PELI2: variants seen among roughly 807,000 people sequenced by gnomAD.
The protein encoded by PELI2 is E3 ubiquitin-protein ligase pellino homolog 2.
In PELI2, 23 loss-of-function variants were observed where a neutral mutation model predicts 42.3. The observed-to-expected ratio is 0.54, with a 90% CI of 0.39 to 0.77. PELI2 has a LOEUF of 0.77. PELI2 is among the 30% of genes least tolerant of loss of function. PELI2 has a pLI of 0.00. For synonymous variants in PELI2, 245 were observed against 212.2 expected (o/e 1.15, Z -1.34); for missense variants, 463 against 553.2 (o/e 0.84, Z 1.64).
chr14:56,230,444 T>C (rs1887516363), intron 2 of PELI2, among the ~76,000 whole-genome samples: 1 of 152,222 alleles, frequency 6.6e-6, no homozygotes, highest in Non-Finnish European at 1.5e-5. Flanking sequence ...GGGGCCAGTA[T>C]TCAACATTCT....
chr14:56,195,505 G>A (rs910313083), intron 2 of PELI2, among the ~76,000 whole-genome samples: 3 of 152,216 alleles, frequency 2.0e-5, no homozygotes, highest in Non-Finnish European at 4.4e-5. Context: ...TCTGAAGCTA[G>A]TTGGGCCTTT....
At chr14:56,291,597 T>G (rs1262824274) in intron 5 of PELI2, among the ~76,000 whole-genome samples, 1 of 152,252 alleles carries the variant, frequency 6.6e-6, no homozygotes, top group Admixed American at 6.5e-5. Flanking sequence ...AAAGCAGTTT[T>G]TCTAAATAAT....
intron 2 of PELI2, among the ~76,000 whole-genome samples, chr14:56,240,472 T>C (rs1887933442): frequency 6.6e-6 from 1 of 152,142 alleles, no homozygotes; most frequent in Non-Finnish European, 1.5e-5. Context: ...TTAGCAAGAA[T>C]AGTTTCGGTG....
intron 2 of PELI2, among the ~76,000 whole-genome samples, chr14:56,236,164 G>A (rs1166200322): frequency 6.6e-6 from 1 of 151,988 alleles, no homozygotes; most frequent in African/African-American, 2.4e-5. Flanking sequence ...TTTCTAAATT[G>A]ACCACTTTTA....
intron 2 of PELI2, among the ~76,000 whole-genome samples, chr14:56,190,835 A>C (rs1885928207): frequency 2.0e-5 from 3 of 152,262 alleles, no homozygotes. Context: ...ATGTAAAGTC[A>C]AAAAATATGG....
At chr14:56,160,413 C>T (rs527422805) in intron 1 of PELI2, among the ~76,000 whole-genome samples, 63 of 152,180 alleles carry the variant, frequency 4.1e-4, no homozygotes, top group African/African-American at 1.4e-3. Context: ...TCTTTTACTT[C>T]GGGTGAGGGT....
At position 56,299,753 on chromosome 14, in the gene PELI2, C is replaced by T. The variant is rs1298561789; in HGVS notation, c.*2587C>T. The T allele has an allele frequency of 6.6e-6, 1 of 152,200 alleles. No individual in the cohort carries two copies. Among genetic ancestry groups the T allele is most frequent in the African/African-American group, 2.4e-5 (1 of 41,448 alleles). The allele number at this position is 152,200 out of a possible 1,614,324, so 9.4% of individuals were successfully genotyped here. A position where few individuals can be genotyped will look rare whatever the true frequency, so the allele number is the denominator to read the frequency against. Reference sequence around the variant, plus strand: ...CCATCACTTTAAAGGACTAGCCCCACTCCCCCATGTGTATACACAAGGAAA... The same window carrying T: ...CCATCACTTTAAAGGACTAGCCCCATTCCCCCATGTGTATACACAAGGAAA... On this transcript the variant is annotated 3_prime_UTR_variant, in exon 6 of 6. Coordinates refer to ENST00000267460, the MANE Select transcript of PELI2 (RefSeq NM_021255.3).
At chr14:56,209,551 G>A (rs940421143) in intron 2 of PELI2, among the ~76,000 whole-genome samples, 28 of 147,688 alleles carry the variant, frequency 1.9e-4, no homozygotes, top group Middle Eastern at 3.5e-3. Context: ...ATTTCGTTTC[G>A]TGGTAGTATG....
chr14:56,292,454 A>G (rs900189438), intron 5 of PELI2, among the ~76,000 whole-genome samples: 16 of 152,216 alleles, frequency 1.1e-4, no homozygotes, highest in Non-Finnish European at 2.2e-4. Flanking sequence ...TGTTGCTGGT[A>G]GCATTTGATA....
At chr14:56,228,285 TTCAGCATGATGCAGCCACTCA>T (rs1887433625) in intron 2 of PELI2, among the ~76,000 whole-genome samples, 1 of 152,222 alleles carries the variant, frequency 6.6e-6, no homozygotes, top group Non-Finnish European at 1.5e-5. Context: ...CTTTCCCTTT[TTCAGCATGATGCAGCCACTCA>T]TCAGTGCCAC....
chr14:56,274,815 G>A (rs144741666), intron 2 of PELI2, among the ~76,000 whole-genome samples: 179 of 152,256 alleles, frequency 1.2e-3, no homozygotes, highest in African/African-American at 4.2e-3. Flanking sequence ...TGGGCATCTG[G>A]GATTGCAAAG....
At chr14:56,156,031 C>T (rs1338730988) in intron 1 of PELI2, among the ~76,000 whole-genome samples, 1 of 152,106 alleles carries the variant, frequency 6.6e-6, no homozygotes, top group Non-Finnish European at 1.5e-5. Flanking sequence ...TAATAGTGGA[C>T]ATCCGTGTTT....
rs4038318 is a variant in PELI2 at position 56,197,969 on chromosome 14, GACACACACACACACACACAC to G, written c.207+19530_207+19549del. On this transcript the variant is annotated intron_variant, in intron 2 of 5. Coordinates refer to ENST00000267460, the MANE Select transcript of PELI2 (RefSeq NM_021255.3). The surrounding 1 kb of genome is among the most constrained non-coding windows in gnomAD (Gnocchi z 4.9). ...CACACCAGGGATCATGACTGGTGAA[GACACACACACACACACACAC>G]ACACACACACACACACACACACACC... 8.2e-4 allele frequency among the ~76,000 whole-genome samples: 106 copies of G among 129,768 alleles called. No individual in the cohort carries two copies. Among genetic ancestry groups the G allele is most frequent in the Middle Eastern group, 3.8e-3 (1 of 262 alleles). 85.1% of individuals were successfully genotyped at this position (129,768 alleles called of 152,430 possible).
At chr14:56,203,508 C>CT (rs927796818) in intron 2 of PELI2, among the ~76,000 whole-genome samples, 16 of 151,988 alleles carry the variant, frequency 1.1e-4, no homozygotes, top group African/African-American at 3.9e-4. Context: ...TATCTGTAGA[C>CT]TTTTTTTCTG....
chr14:56,250,995 C>G (rs937929428), intron 2 of PELI2, among the ~76,000 whole-genome samples: 1 of 151,854 alleles, frequency 6.6e-6, no homozygotes, highest in Non-Finnish European at 1.5e-5. Context: ...CAGCCTGACC[C>G]CCTGGGGAGC....
Position 56,301,277 on chromosome 14 carries a change from A to G in PELI2, c.*4111A>G, listed in dbSNP as rs914226170. On this transcript the variant is annotated 3_prime_UTR_variant, in exon 6 of 6. Transcript: ENST00000267460. ...GCCATTTTACAGGAAAAAATCTTCAAAAACTATTAAATGGATATCAGCCTG... is the reference window on the plus strand; with the variant it reads ...GCCATTTTACAGGAAAAAATCTTCAGAAACTATTAAATGGATATCAGCCTG... 1.3e-5 allele frequency: 2 copies of G among 152,672 alleles called. No homozygotes were observed. Among genetic ancestry groups the G allele is most frequent in the South Asian group, 2.1e-4 (1 of 4,834 alleles). The allele number at this position is 152,672 out of a possible 1,614,324, so 9.5% of individuals were successfully genotyped here. A position where few individuals can be genotyped will look rare whatever the true frequency, so the allele number is the denominator to read the frequency against.
chr14:56,243,723 T>C (rs1269941021), intron 2 of PELI2, among the ~76,000 whole-genome samples: 1 of 152,108 alleles, frequency 6.6e-6, no homozygotes, highest in African/African-American at 2.4e-5. Context: ...CTTTGAAGTA[T>C]AAAAGGAGTG....
intron 2 of PELI2, among the ~76,000 whole-genome samples, chr14:56,236,728 C>T (rs533132194): frequency 1.4e-4 from 21 of 152,272 alleles, no homozygotes; most frequent in African/African-American, 5.1e-4. Flanking sequence ...AGCCACCACC[C>T]TCCCCTTCCC....
At chr14:56,200,666 G>GT (rs1255647088) in intron 2 of PELI2, among the ~76,000 whole-genome samples, 1 of 152,202 alleles carries the variant, frequency 6.6e-6, no homozygotes, top group African/African-American at 2.4e-5. Flanking sequence ...GCTGATGACT[G>GT]TAAGTGAACA....
Sources: allele counts gnomAD v4.1 joint callset (sites outside exome capture counted in the v4.1 genomes callset), GRCh38; gene constraint gnomAD v4.1.1; non-coding constraint Gnocchi (gnomAD v3.1); transcripts MANE v1.5; gene names NCBI Gene and HGNC (gene_info 2026-07-23, HGNC 2026-07-21).